GRIA4: variants seen among roughly 807,000 people sequenced by gnomAD.
GRIA4 encodes the protein glutamate receptor 4.
In GRIA4, 34 loss-of-function variants were observed where a neutral mutation model predicts 104.0. That is an observed-to-expected ratio of 0.33 (90% CI 0.25 to 0.44). The LOEUF is 0.44. Ranked by LOEUF, GRIA4 falls within the 20% of genes least tolerant of loss-of-function variation. GRIA4 has a pLI of 1.00. For missense variants in GRIA4, 750 were observed against 1,096.5 expected, an observed-to-expected ratio of 0.68 and a Z score of 4.46; for synonymous variants, 386 against 381.9, an observed-to-expected ratio of 1.01 and a Z score of -0.13.
At chr11:105,905,727 T>G (rs749541987) in intron 9 of GRIA4, among the ~76,000 whole-genome samples, 1 of 152,200 alleles carries the variant, frequency 6.6e-6, no homozygotes, top group Non-Finnish European at 1.5e-5. Flanking sequence ...CTGGGTGTTC[T>G]TGAAGTAATC....
chr11:105,701,781 T>C (rs1260809648), intron 3 of GRIA4, among the ~76,000 whole-genome samples: 7 of 152,284 alleles, frequency 4.6e-5, no homozygotes, highest in Admixed American at 1.3e-4. Context: ...TGAATAAGCA[T>C]AATACACATT....
At chr11:105,733,879 C>T (rs1938760681) in intron 3 of GRIA4, among the ~76,000 whole-genome samples, 1 of 151,338 alleles carries the variant, frequency 6.6e-6, no homozygotes, top group Non-Finnish European at 1.5e-5. Context: ...GTTTTCCTTA[C>T]TTCTCATGCC....
At chr11:105,799,126 A>C (rs1170629712) in intron 4 of GRIA4, among the ~76,000 whole-genome samples, 1 of 152,136 alleles carries the variant, frequency 6.6e-6, no homozygotes, top group African/African-American at 2.4e-5. Flanking sequence ...AAGAGTAGCT[A>C]GAGTAGCTAG....
intron 4 of GRIA4, among the ~76,000 whole-genome samples, chr11:105,817,182 T>C (rs889555984): frequency 6.6e-6 from 1 of 151,948 alleles, no homozygotes; most frequent in African/African-American, 2.4e-5. Flanking sequence ...ATAGTATCTA[T>C]CTTGTTAGTG....
Position 105,905,274 on chromosome 11 carries a change from T to G in GRIA4, c.1131T>G (p.Phe377Leu), listed in dbSNP as rs1330750739. The G allele has an allele frequency of 4.4e-6, 7 of 1,598,158 alleles. No individual in the cohort carries two copies. Among genetic ancestry groups the G allele is most frequent in the Admixed American group, 1.7e-5 (1 of 59,980 alleles). Residue 377 changes from phenylalanine (F) to leucine (L), a missense_variant, in exon 9 of 17, where the codon TTT becomes TTG. Transcript: ENST00000282499. ...GAGTCAATTACACAATGGATGTGTT[T>G]GAGCTGAAAAGCACAGGACCTAGAA... ...GRRVNYTMDVFELKSTGPRKV... is the reference protein window; with the variant it reads ...GRRVNYTMDVLELKSTGPRKV...
chr11:105,974,000 G>A (rs1858835750), intron 15 of GRIA4, among the ~76,000 whole-genome samples: 1 of 152,032 alleles, frequency 6.6e-6, no homozygotes, highest in African/African-American at 2.4e-5. Context: ...GCCACTCTAT[G>A]TAAATATATA....
chr11:105,780,542 G>A (rs572557007), intron 4 of GRIA4, among the ~76,000 whole-genome samples: 1 of 151,880 alleles, frequency 6.6e-6, no homozygotes, highest in Non-Finnish European at 1.5e-5. Flanking sequence ...TCATTTTTAG[G>A]TATTGTATAC....
chr11:105,628,576 G>C (rs1323802456), intron 3 of GRIA4, among the ~76,000 whole-genome samples: 1 of 152,096 alleles, frequency 6.6e-6, no homozygotes, highest in African/African-American at 2.4e-5. Context: ...GAAGAAGAAC[G>C]TGTTTGCTTC....
intron 14 of GRIA4, among the ~76,000 whole-genome samples, chr11:105,956,958 TGA>T: frequency 6.6e-6 from 1 of 151,848 alleles, no homozygotes. Flanking sequence ...TGGGGTTGTT[TGA>T]TTTTTTTCTT....
intron 3 of GRIA4, among the ~76,000 whole-genome samples, chr11:105,637,771 T>C (rs1253101941): frequency 6.6e-6 from 1 of 152,166 alleles, no homozygotes; most frequent in East Asian, 1.9e-4. Context: ...ATTCGAGGGC[T>C]ATTATAGCAT....
At position 105,741,246 on chromosome 11, in the gene GRIA4, T is replaced by G. The variant is rs1470619848; in HGVS notation, c.248-11735T>G. ...AATGGCAGAAAATAGAGAAAAGGTTTTGAGGGGGGGAAATGAAGGGTTCTG... is the reference window on the plus strand; with the variant it reads ...AATGGCAGAAAATAGAGAAAAGGTTGTGAGGGGGGGAAATGAAGGGTTCTG... On this transcript the variant is annotated intron_variant, in intron 3 of 16. Transcript: ENST00000282499. 1.3e-5 allele frequency among the ~76,000 whole-genome samples: 2 copies of G among 152,072 alleles called. 1 individual carries two copies. The highest frequency in any genetic ancestry group is 3.9e-4 in the East Asian group (2 of 5,190).
intron 10 of GRIA4, among the ~76,000 whole-genome samples, chr11:105,917,815 G>GTTGTGT (rs1555047934): frequency 7.0e-6 from 1 of 142,690 alleles, no homozygotes. Context: ...TTGGTTTAAG[G>GTTGTGT]GTGTGTGTGT....
At chr11:105,644,893 G>A (rs1247196543) in intron 3 of GRIA4, among the ~76,000 whole-genome samples, 3 of 152,168 alleles carry the variant, frequency 2.0e-5, no homozygotes, top group Admixed American at 2.0e-4. Context: ...GGAAGGAACA[G>A]TGTATAAGAA....
At chr11:105,860,845 G>A (rs1262947102) in intron 4 of GRIA4, among the ~76,000 whole-genome samples, 3 of 151,580 alleles carry the variant, frequency 2.0e-5, no homozygotes, top group African/African-American at 7.3e-5. Context: ...TGTAGTCCCA[G>A]CTACTTGGGA....
intron 11 of GRIA4, among the ~76,000 whole-genome samples, chr11:105,921,163 C>T (rs551154554): frequency 3.9e-5 from 6 of 152,288 alleles, no homozygotes; most frequent in Admixed American, 2.6e-4. Context: ...TTATCCAACA[C>T]ACCATGTGTG....
chr11:105,966,760 G>A (rs513947), intron 14 of GRIA4, among the ~76,000 whole-genome samples: 98,415 of 151,932 alleles, frequency 0.65, 31,906 homozygotes, highest in Middle Eastern at 0.73. Flanking sequence ...AACAGAATAT[G>A]CTAGTGTCCC....
intron 2 of GRIA4, among the ~76,000 whole-genome samples, chr11:105,611,606 G>A (rs1318819758): frequency 2.0e-5 from 3 of 152,094 alleles, no homozygotes; most frequent in African/African-American, 4.8e-5. Context: ...TCCCTTTCCT[G>A]GAAGCTTCTC....
At chr11:105,859,988 CAA>C (rs1291186896) in intron 4 of GRIA4, among the ~76,000 whole-genome samples, 1 of 151,894 alleles carries the variant, frequency 6.6e-6, no homozygotes, top group African/African-American at 2.4e-5. Flanking sequence ...GAATGGGAAA[CAA>C]GAGAAAGAAT....
intron 3 of GRIA4, chr11:105,706,728 A>C: frequency 6.6e-6 from 1 of 152,382 alleles, no homozygotes. Context: ...AACCTGTAAC[A>C]CCCTCTGAAA....
Sources: allele counts gnomAD v4.1 joint callset (sites outside exome capture counted in the v4.1 genomes callset), GRCh38; gene constraint gnomAD v4.1.1; transcripts MANE v1.5; gene names NCBI Gene and HGNC (gene_info 2026-07-23, HGNC 2026-07-21).